Variants in UBXN4 observed in about 807,000 individuals in gnomAD.
UBXN4 encodes the protein UBX domain-containing protein 4.
A neutral mutation model predicts 66.2 loss-of-function variants in UBXN4; 35 were observed. The ratio of observed to expected loss-of-function variants is 0.53; its 90% confidence interval spans 0.40 to 0.70. The LOEUF (loss-of-function observed/expected upper bound fraction) is 0.70, where lower values mean the gene tolerates loss of function less well. UBXN4 is among the 30% of genes least tolerant of loss of function. The probability of loss-of-function intolerance (pLI) is 0.00; values close to 1 mark genes in which losing one functional copy is unlikely to be tolerated. For missense variants in UBXN4, 533 were observed against 599.8 expected, an observed-to-expected ratio of 0.89 and a Z score of 1.16; for synonymous variants, 203 against 204.5, an observed-to-expected ratio of 0.99 and a Z score of 0.06.
At chr2:135,760,188 C>T (rs2077306637) in intron 5 of UBXN4, among the ~76,000 whole-genome samples, 1 of 152,022 alleles carries the variant, frequency 6.6e-6, no homozygotes, top group Admixed American at 6.6e-5. Context: ...CCTGTGATCC[C>T]AGTACTTTAG....
In UBXN4 at chr2:135,754,236, T is replaced by G. The variant is rs1386598743; in HGVS notation, c.292T>G (p.Ser98Ala). 6.2e-6 allele frequency: 10 copies of G among 1,614,184 alleles called. No homozygotes were observed. Among genetic ancestry groups the G allele is most frequent in the Non-Finnish European group, 8.5e-6 (10 of 1,179,986 alleles). ...IPLEVIAGSV[S>A]ADELVTRIHK... Reference sequence around the variant, plus strand: ...CTTGGAAGTAATAGCAGGAAGTGTTTCTGCAGATGAACTTGTTACAAGAAT... The same window carrying G: ...CTTGGAAGTAATAGCAGGAAGTGTTGCTGCAGATGAACTTGTTACAAGAAT... Residue 98 changes from serine to alanine, a missense_variant, in exon 4 of 13, where the codon TCT becomes GCT. Physicochemically the swap from Ser to Ala is moderately conservative, Grantham distance 99. Around this residue, in one of 2 missense-constraint regions of UBXN4, gnomAD observed 529 missense variants for 580.1 expected, o/e 0.91. Transcript: ENST00000272638.
At chr2:135,772,953 C>T (rs906914319) in intron 9 of UBXN4, among the ~76,000 whole-genome samples, 1 of 145,146 alleles carries the variant, frequency 6.9e-6, no homozygotes, top group Admixed American at 7.3e-5. Flanking sequence ...AGGAGAATGG[C>T]GTGAACCCGG....
chr2:135,770,673 A>G lies in UBXN4; in HGVS notation c.760A>G (p.Arg254Gly). 6.3e-7 allele frequency: 1 copy of G among 1,580,228 alleles called. No individual in the cohort carries two copies. ...EELTKRMLEE[R>G]NREKAEDRAA... ...ATTAACAAAAAGAATGCTGGAGGAA[A>G]GAAACAGAGAGAAAGCAGAAGATAG... The change falls in exon 8 of 13, where the codon AGA becomes GGA. Residue 254 changes from arginine (R) to glycine (G), a missense_variant. By Grantham distance (125) the Arg-to-Gly change is moderately radical. Around this residue, in one of 2 missense-constraint regions of UBXN4, gnomAD observed 529 missense variants for 580.1 expected, o/e 0.91. Coordinates refer to ENST00000272638, the MANE Select transcript of UBXN4 (RefSeq NM_014607.4).
chr2:135,766,618 A>G (rs2077349906), intron 6 of UBXN4, among the ~76,000 whole-genome samples: 2 of 152,242 alleles, frequency 1.3e-5, no homozygotes, highest in Non-Finnish European at 2.9e-5. Context: ...TTCTATCATT[A>G]GATTCAGGTT....
At chr2:135,748,816 G>A (rs1255761999) in intron 2 of UBXN4, among the ~76,000 whole-genome samples, 1 of 151,866 alleles carries the variant, frequency 6.6e-6, no homozygotes, top group African/African-American at 2.4e-5. Context: ...GATCACTTGA[G>A]GTCAGGAGTT....
chr2:135,748,472 G>GAGTGCCCAGCC, intron 2 of UBXN4, 103 bp downstream of exon 2: 1 of 826,588 alleles, frequency 1.2e-6, no homozygotes, highest in Non-Finnish European at 1.7e-6. Context: ...GTTGGGCTGG[G>GAGTGCCCAGCC]CACTCCCAGC....
chr2:135,765,822 C>A (rs2105502121), intron 6 of UBXN4, among the ~76,000 whole-genome samples: 1 of 151,908 alleles, frequency 6.6e-6, no homozygotes, highest in East Asian at 2.0e-4. Context: ...CATGTCCTGC[C>A]CCCTTCTGGC....
chr2:135,780,114 T>A, intron 11 of UBXN4, 69 bp from the exon 12 acceptor site: 1 of 1,494,222 alleles, frequency 6.7e-7, no homozygotes, highest in Non-Finnish European at 9.2e-7. Flanking sequence ...AAAAGTTTCA[T>A]CTGGAACCTT....
chr2:135,756,333 A>C (rs2077278433), intron 5 of UBXN4, among the ~76,000 whole-genome samples: 1 of 152,180 alleles, frequency 6.6e-6, no homozygotes, highest in Non-Finnish European at 1.5e-5. Flanking sequence ...AATAATCATC[A>C]AGCTTCTATT....
In UBXN4 at chr2:135,770,524, G is replaced by A. The variant is rs1019495626; in HGVS notation, c.658-47G>A. The stretch of plus-strand genomic sequence containing the variant: ...TCGTTGCATTCAAAATAATATCTGG[G>A]GCAGATTATCAAGTTTTTGGATCAT... On this transcript the variant is annotated intron_variant, in intron 7 of 12. Coordinates refer to ENST00000272638, the MANE Select transcript of UBXN4 (RefSeq NM_014607.4). 4.0e-6 allele frequency: 5 copies of A among 1,249,872 alleles called. No individual in the cohort carries two copies. The Admixed American group carries it at 1.0e-4, about 26-fold the overall frequency. The allele number at this position is 1,249,872 out of a possible 1,614,324, so 77.4% of individuals were successfully genotyped here. A position where few individuals can be genotyped will look rare whatever the true frequency, so the allele number is the denominator to read the frequency against.
At chr2:135,779,837 T>C in intron 11 of UBXN4, among the ~76,000 whole-genome samples, 1 of 144,928 alleles carries the variant, frequency 6.9e-6, no homozygotes, top group East Asian at 1.9e-4. Flanking sequence ...TACAATTATA[T>C]ACAATTATTA....
intron 1 of UBXN4, among the ~76,000 whole-genome samples, chr2:135,747,308 A>G (rs976310298): frequency 1.5e-4 from 21 of 143,134 alleles, no homozygotes; most frequent in African/African-American, 5.2e-4. Flanking sequence ...AGATTGCACC[A>G]TTGCACTACA....
chr2:135,757,289 T>C (rs1036357936), intron 5 of UBXN4, among the ~76,000 whole-genome samples: 1 of 152,242 alleles, frequency 6.6e-6, no homozygotes, highest in Non-Finnish European at 1.5e-5. Flanking sequence ...ATCCAGTGAA[T>C]TTTTTATTTT....
intron 6 of UBXN4, among the ~76,000 whole-genome samples, chr2:135,765,085 A>T (rs2077338859): frequency 6.6e-6 from 1 of 152,198 alleles, no homozygotes; most frequent in African/African-American, 2.4e-5. Context: ...AAGTGCTGAG[A>T]TTACAGGCTT....
At chr2:135,782,351 C>G (rs2077455412) in intron 12 of UBXN4, among the ~76,000 whole-genome samples, 1 of 152,226 alleles carries the variant, frequency 6.6e-6, no homozygotes, top group African/African-American at 2.4e-5. Flanking sequence ...TTGACCCTTT[C>G]TGTCAAGCTG....
At position 135,741,890 on chromosome 2, in the gene UBXN4, A is replaced by G. The variant is rs2077175460; in HGVS notation, c.-40A>G. Reference sequence around the variant, plus strand: ...GGCGGAGCCGGCTTCGGGACTGCGGAGACTACACACCGAGCGAGCGCCTGG... The same window carrying G: ...GGCGGAGCCGGCTTCGGGACTGCGGGGACTACACACCGAGCGAGCGCCTGG... On this transcript the variant is annotated 5_prime_UTR_variant, in exon 1 of 13. Coordinates refer to ENST00000272638, the MANE Select transcript of UBXN4 (RefSeq NM_014607.4). 3 of 1,589,866 alleles carry G rather than the reference A, an allele frequency of 1.9e-6. No homozygotes were observed. The highest frequency in any genetic ancestry group is 2.6e-6 in the Non-Finnish European group (3 of 1,168,592).
chr2:135,754,198 A>G lies in UBXN4; in HGVS notation c.254A>G (p.Asp85Gly), dbSNP rs746491845. The stretch of plus-strand genomic sequence containing the variant: ...GTTCCATCCAGTTTCTTTATTGGAG[A>G]CAGTGGAATTCCCTTGGAAGTAATA... The part of the protein sequence containing the change: ...VCVPSSFFIG[D>G]SGIPLEVIAG... Residue 85 changes from aspartate (D) to glycine (G), a missense_variant, in exon 4 of 13, where the codon GAC becomes GGC. By Grantham distance (94) the Asp-to-Gly change is moderately conservative. Transcript: ENST00000272638. The G allele has an allele frequency of 6.2e-6, 10 of 1,614,010 alleles. No homozygotes were observed. The Admixed American group carries it at 1.3e-4, about 22-fold the overall frequency.
Position 135,782,741 on chromosome 2 carries a change from CG to C in UBXN4, c.1389-7del. ...CATCTTCCCCTTGCTCCCTCTTTTT[CG>C]TATCAGGGAACCAGTGAGAAAAAGA... is the stretch of plus-strand genomic sequence containing the variant. On this transcript the variant is annotated splice_polypyrimidine_tract_variant and splice_region_variant and intron_variant, in intron 12 of 12. Transcript: ENST00000272638. The C allele has an allele frequency of 6.2e-7, 1 of 1,605,958 alleles. No homozygotes were observed. Among genetic ancestry groups the C allele is most frequent in the Non-Finnish European group, 8.5e-7 (1 of 1,177,690 alleles).
intron 5 of UBXN4, among the ~76,000 whole-genome samples, chr2:135,757,269 T>C (rs1371034372): frequency 2.6e-5 from 4 of 152,230 alleles, no homozygotes; most frequent in Non-Finnish European, 5.9e-5. Context: ...TCCATTCTGA[T>C]GTTAAGCCCA....
Sources: allele counts gnomAD v4.1 joint callset (sites outside exome capture counted in the v4.1 genomes callset), GRCh38; gene constraint gnomAD v4.1.1; regional missense constraint gnomAD v4.1.1; transcripts MANE v1.5; gene names NCBI Gene and HGNC (gene_info 2026-07-23, HGNC 2026-07-21).